Variants in ROBO1 observed in about 807,000 individuals in gnomAD.
ROBO1 encodes the protein roundabout homolog 1.
A neutral mutation model predicts 195.9 loss-of-function variants in ROBO1; 149 were observed. That is an observed-to-expected ratio of 0.76 (90% CI 0.67 to 0.87). The LOEUF is 0.87. Among genes scored for constraint, ROBO1 ranks in the 40% least tolerant of loss-of-function variants. The pLI is 0.00. For synonymous variants in ROBO1, 816 were observed against 733.2 expected (o/e 1.11, Z -1.82); for missense variants, 1,933 against 2,068.3 (o/e 0.93, Z 1.27).
At chr3:78,993,300 CA>C (rs200063432) in intron 3 of ROBO1, among the ~76,000 whole-genome samples, 1 of 152,144 alleles carries the variant, frequency 6.6e-6, no homozygotes, top group East Asian at 1.9e-4. Context: ...TGCATACTTT[CA>C]AAACGTTTCT....
chr3:79,060,765 T>C (rs1162018117), intron 3 of ROBO1, among the ~76,000 whole-genome samples: 1 of 152,100 alleles, frequency 6.6e-6, no homozygotes, highest in Non-Finnish European at 1.5e-5. Context: ...ATTATCTCAA[T>C]AGATGCAGAA....
chr3:79,359,397 C>T (rs1265431040), intron 2 of ROBO1, among the ~76,000 whole-genome samples: 1 of 151,940 alleles, frequency 6.6e-6, no homozygotes, highest in Non-Finnish European at 1.5e-5. Flanking sequence ...CATACATGGT[C>T]AAAATAATCT....
At chr3:78,667,388 A>G (rs1047337668) in intron 14 of ROBO1, among the ~76,000 whole-genome samples, 7 of 152,150 alleles carry the variant, frequency 4.6e-5, no homozygotes, top group African/African-American at 1.7e-4. Context: ...TATCACCTCA[A>G]TCATTTATCC....
intron 2 of ROBO1, among the ~76,000 whole-genome samples, chr3:79,326,701 T>C (rs1348231619): frequency 2.0e-5 from 3 of 152,236 alleles, no homozygotes; most frequent in African/African-American, 7.2e-5. Context: ...TCGGGGACAC[T>C]GGACAATTTT....
intron 4 of ROBO1, among the ~76,000 whole-genome samples, chr3:78,879,070 T>C (rs2036024353): frequency 6.6e-6 from 1 of 152,212 alleles, no homozygotes; most frequent in Non-Finnish European, 1.5e-5. Context: ...CTTTCCTTAA[T>C]TCACTGTGTT....
chr3:78,641,384 T>G (rs1190632997), intron 21 of ROBO1, among the ~76,000 whole-genome samples: 7 of 152,198 alleles, frequency 4.6e-5, no homozygotes, highest in African/African-American at 7.2e-5. Flanking sequence ...TGGAATATTC[T>G]TAATGAAAGG....
At chr3:79,378,803 A>G (rs762937628) in intron 2 of ROBO1, among the ~76,000 whole-genome samples, 2 of 152,230 alleles carry the variant, frequency 1.3e-5, no homozygotes, top group Non-Finnish European at 2.9e-5. Flanking sequence ...CACATCATAT[A>G]GCATGATGCT....
At position 79,749,231 on chromosome 3, in the gene ROBO1, T is replaced by A. The variant is rs1704015884; in HGVS notation, c.-51+18521A>T. ...GCCCCTGCCCTAGAGACTGTGGAAC[T>A]TTGAACTTGAGAGAGATGATTTAAG... is the stretch of plus-strand genomic sequence containing the variant. On this transcript the variant is annotated intron_variant, in intron 1 of 30. Transcript: ENST00000464233. 1.3e-5 allele frequency among the ~76,000 whole-genome samples: 2 copies of A among 152,072 alleles called. 1 individual carries two copies. The highest frequency in any genetic ancestry group is 4.1e-4 in the South Asian group (2 of 4,830).
intron 3 of ROBO1, among the ~76,000 whole-genome samples, chr3:79,022,222 T>C (rs906803885): frequency 6.6e-6 from 1 of 152,186 alleles, no homozygotes; most frequent in Non-Finnish European, 1.5e-5. Flanking sequence ...TCTACTTCCT[T>C]TTCCTCACTC....
At chr3:78,756,536 A>C (rs1304307108) in intron 4 of ROBO1, among the ~76,000 whole-genome samples, 1 of 152,204 alleles carries the variant, frequency 6.6e-6, no homozygotes, top group Admixed American at 6.5e-5. Flanking sequence ...CATTCATTCA[A>C]TAAAAGTACA....
At chr3:79,471,062 G>A (rs1163254692) in intron 2 of ROBO1, among the ~76,000 whole-genome samples, 1 of 152,028 alleles carries the variant, frequency 6.6e-6, no homozygotes, top group Non-Finnish European at 1.5e-5. Context: ...GGAAAGAGCA[G>A]TCTCTTCAAT....
chr3:79,693,780 CTTAAT>C lies in ROBO1; in HGVS notation c.-51+73967_-51+73971del, dbSNP rs1560106633. 2.6e-5 allele frequency among the ~76,000 whole-genome samples: 4 copies of C among 151,608 alleles called. No individual in the cohort carries two copies. In the South Asian group the frequency reaches 8.3e-4, roughly 32 times the overall value. On this transcript the variant is annotated intron_variant, in intron 1 of 30. Coordinates refer to ENST00000464233, the MANE Select transcript of ROBO1 (RefSeq NM_002941.4). Reference sequence around the variant, plus strand: ...GAGGACACAAATCTAAGATAAATAACTTAATTTACACATTCATTTTCTCAAGGACA... The same window carrying C: ...GAGGACACAAATCTAAGATAAATAACTTACACATTCATTTTCTCAAGGACA...
At chr3:79,510,585 G>A (rs1940651944) in intron 2 of ROBO1, among the ~76,000 whole-genome samples, 1 of 150,150 alleles carries the variant, frequency 6.7e-6, no homozygotes, top group African/African-American at 2.5e-5. Context: ...CAAGTTGGAG[G>A]ATATTTTAAA....
intron 2 of ROBO1, among the ~76,000 whole-genome samples, chr3:79,332,651 C>T (rs1373818391): frequency 6.6e-6 from 1 of 150,986 alleles, no homozygotes; most frequent in Non-Finnish European, 1.5e-5. Flanking sequence ...ACAGCTACAA[C>T]GTTAAAATTA....
intron 2 of ROBO1, among the ~76,000 whole-genome samples, chr3:79,149,987 G>A (rs976100168): frequency 2.6e-5 from 4 of 151,738 alleles, no homozygotes; most frequent in African/African-American, 9.7e-5. Flanking sequence ...AAAGCTCCTG[G>A]AGGTAAAAAT....
chr3:79,547,145 A>C (rs185512992), intron 2 of ROBO1, among the ~76,000 whole-genome samples: 1,322 of 130,412 alleles, frequency 0.01, 24 homozygotes, highest in African/African-American at 0.038. Context: ...AGATCGTGCC[A>C]CTGCACTCCA....
chr3:79,155,291 T>G (rs1576747540), intron 2 of ROBO1, among the ~76,000 whole-genome samples: 1 of 151,848 alleles, frequency 6.6e-6, no homozygotes, highest in East Asian at 1.9e-4. Context: ...ATAAACAGTC[T>G]GTATAAAAGT....
chr3:79,505,155 T>C (rs764253843), intron 2 of ROBO1, among the ~76,000 whole-genome samples: 13 of 152,148 alleles, frequency 8.5e-5, no homozygotes, highest in Non-Finnish European at 1.8e-4. Context: ...GAAGACAGCA[T>C]TAACTGAAGA....
intron 3 of ROBO1, among the ~76,000 whole-genome samples, chr3:78,945,377 G>C (rs2040374144): frequency 6.6e-6 from 1 of 152,228 alleles, no homozygotes; most frequent in East Asian, 1.9e-4. Context: ...ATGCTGTTCT[G>C]CAGACACCGC....
Sources: gnomAD v4.1 joint callset for allele counts (sites outside exome capture counted in the v4.1 genomes callset) on GRCh38, gnomAD v4.1.1 for gene constraint, MANE v1.5 for transcripts, NCBI Gene and HGNC (gene_info 2026-07-23, HGNC 2026-07-21) for gene names.